ZFHX3: variants seen among roughly 807,000 people sequenced by gnomAD.
ZFHX3 encodes the protein zinc finger homeobox protein 3.
ZFHX3 carries 42 observed loss-of-function variants against 279.1 expected under a neutral mutation model. That is an observed-to-expected ratio of 0.15 (90% CI 0.12 to 0.19). ZFHX3 has a LOEUF of 0.19. Ranked by LOEUF, ZFHX3 falls within the 10% of genes least tolerant of loss-of-function variation. The pLI is 1.00. For synonymous variants in ZFHX3, 2,293 were observed against 1,957.8 expected (o/e 1.17, Z -4.52); for missense variants, 4,981 against 4,754.0 (o/e 1.05, Z -1.40).
chr16:72,949,043 T>A (rs1467325672), intron 3 of ZFHX3, among the ~76,000 whole-genome samples: 1 of 152,222 alleles, frequency 6.6e-6, no homozygotes, highest in East Asian at 1.9e-4. Flanking sequence ...TTCTATCCCC[T>A]CTACCTCATT....
intron 5 of ZFHX3, among the ~76,000 whole-genome samples, chr16:73,207,351 G>C (rs1371757936): frequency 6.6e-6 from 1 of 152,108 alleles, no homozygotes; most frequent in African/African-American, 2.4e-5. Flanking sequence ...TTAAATTACA[G>C]GGCACAAAAT....
In ZFHX3 at chr16:72,957,537, A is replaced by G; in HGVS notation, c.2609T>C (p.Met870Thr). The G allele has an allele frequency of 6.2e-7, 1 of 1,614,144 alleles. No individual in the cohort carries two copies. Among genetic ancestry groups the G allele is most frequent in the Non-Finnish European group, 8.5e-7 (1 of 1,180,034 alleles). Residue 870 changes from methionine (M) to threonine (T), a missense_variant, in exon 2 of 10, where the codon ATG becomes ACG. By Grantham distance (81) the Met-to-Thr change is moderately conservative. Around this residue, in one of 7 missense-constraint regions of ZFHX3, gnomAD observed 1,751 missense variants for 1,770.0 expected, o/e 0.99. Transcript: ENST00000268489. The part of the protein sequence containing the change: ...ELYQYYLAQN[M>T]NLPNLKMDSA... ...GTCCATCTTCAGGTTGGGCAGGTTC[A>G]TGTTCTGGGCCAGGTAGTATTGGTA...
At chr16:73,281,794 CAATT>C (rs2014464061) in intron 4 of ZFHX3, among the ~76,000 whole-genome samples, 1 of 152,054 alleles carries the variant, frequency 6.6e-6, no homozygotes, top group Non-Finnish European at 1.5e-5. Flanking sequence ...AATCATACCT[CAATT>C]AAGCGGTTTA....
chr16:73,838,754 G>A lies in ZFHX3; in HGVS notation c.-1608+52897C>T, dbSNP rs529226862. On this transcript the variant is annotated intron_variant, in intron 1 of 17. Coordinates refer to the ZFHX3 transcript ENST00000641206. ...ACTGTGTGTGTGTGCGCACATGCGT[G>A]TGTGTGTCTGTGTGTGTGTGTGTGT... Among the ~76,000 whole-genome samples the A allele has an allele frequency of 3.2e-5, 4 of 126,136 alleles. No homozygotes were observed. The South Asian group carries it at 7.1e-4, about 22-fold the overall frequency. The allele number at this position is 126,136 out of a possible 152,430, so 82.8% of individuals were successfully genotyped here.
intron 2 of ZFHX3, among the ~76,000 whole-genome samples, chr16:73,613,174 C>T (rs1567533180): frequency 6.6e-6 from 1 of 152,102 alleles, no homozygotes; most frequent in African/African-American, 2.4e-5. Context: ...AAAAACAAAT[C>T]CAGACTTCCC....
chr16:72,934,483 AATT>A (rs1291019348), intron 3 of ZFHX3, among the ~76,000 whole-genome samples: 1 of 152,174 alleles, frequency 6.6e-6, no homozygotes, highest in Non-Finnish European at 1.5e-5. Context: ...CAGTTATTAA[AATT>A]ATTTTAGTAC....
rs556527356 is a variant in ZFHX3, at chr16:73,275,137, G to A, written c.-1193-18001C>T. ...GGTTGCCATTTCCTGTTTCGGGACA[G>A]AGAGTCTAGAGGTCCCTGGCTTTAG... On this transcript the variant is annotated intron_variant, in intron 4 of 17. Transcript: ENST00000641206. 9.7e-4 allele frequency among the ~76,000 whole-genome samples: 148 copies of A among 152,316 alleles called. 1 individual carries two copies. Among genetic ancestry groups the A allele is most frequent in the African/African-American group, 3.3e-3 (139 of 41,570 alleles).
chr16:73,692,274 G>A (rs1007837763), intron 1 of ZFHX3, among the ~76,000 whole-genome samples: 3 of 152,144 alleles, frequency 2.0e-5, no homozygotes, highest in African/African-American at 7.2e-5. Flanking sequence ...AGTCTCTCCT[G>A]AATGAAACTC....
intron 4 of ZFHX3, among the ~76,000 whole-genome samples, chr16:72,850,881 T>C (rs2037598208): frequency 6.6e-6 from 1 of 151,614 alleles, no homozygotes. Context: ...AGCAGGAACA[T>C]TTGACTCAAG....
At chr16:73,173,745 T>C (rs1394019169) in intron 5 of ZFHX3, among the ~76,000 whole-genome samples, 1 of 152,102 alleles carries the variant, frequency 6.6e-6, no homozygotes, top group East Asian at 1.9e-4. Context: ...ACACCCAGGT[T>C]TGGCCAAAGT....
chr16:73,720,776 CG>C (rs1255417644), intron 1 of ZFHX3, among the ~76,000 whole-genome samples: 1 of 152,082 alleles, frequency 6.6e-6, no homozygotes, highest in Non-Finnish European at 1.5e-5. Flanking sequence ...TTTCAACAAA[CG>C]ATTACTGATA....
intron 2 of ZFHX3, among the ~76,000 whole-genome samples, chr16:73,521,905 G>T (rs2019614446): frequency 6.6e-6 from 1 of 152,008 alleles, no homozygotes; most frequent in Non-Finnish European, 1.5e-5. Context: ...TTCTGACTCT[G>T]CTGAGGTAGT....
intron 3 of ZFHX3, among the ~76,000 whole-genome samples, chr16:73,410,345 G>A (rs999272317): frequency 5.3e-5 from 8 of 152,174 alleles, no homozygotes; most frequent in Non-Finnish European, 1.0e-4. Context: ...GAACCCGGGA[G>A]GCAGAGGTTG....
At chr16:72,968,081 A>T (rs1179800802) in intron 1 of ZFHX3, among the ~76,000 whole-genome samples, 1 of 151,998 alleles carries the variant, frequency 6.6e-6, no homozygotes, top group Admixed American at 6.6e-5. Flanking sequence ...TTGAGTGATC[A>T]AAGTTCCCAT....
intron 2 of ZFHX3, among the ~76,000 whole-genome samples, chr16:73,549,002 T>C (rs1045938086): frequency 6.6e-6 from 1 of 152,174 alleles, no homozygotes; most frequent in Non-Finnish European, 1.5e-5. Flanking sequence ...TTTAAAAAAA[T>C]GTATATGCAA....
rs376334392 is a variant in ZFHX3, at chr16:73,689,816, T to C, written c.-1607-9576A>G. Among the ~76,000 whole-genome samples, 5 of 150,780 alleles carry C rather than the reference T, an allele frequency of 3.3e-5. No homozygotes were observed. In the East Asian group the frequency reaches 9.7e-4, roughly 29 times the overall value. Reference sequence around the variant, plus strand: ...TGAGGACATACAGTTTTTTGTTTTTTGTTTTTTTTGTTGTTGTTGTTTTTT... The same window carrying C: ...TGAGGACATACAGTTTTTTGTTTTTCGTTTTTTTTGTTGTTGTTGTTTTTT... On this transcript the variant is annotated intron_variant, in intron 1 of 17. Coordinates refer to the ZFHX3 transcript ENST00000641206.
chr16:73,117,082 A>T (rs1443210649), intron 7 of ZFHX3, among the ~76,000 whole-genome samples: 2 of 152,248 alleles, frequency 1.3e-5, no homozygotes, highest in African/African-American at 4.8e-5. Context: ...ACTAGGCCTG[A>T]ACTAAAGGTA....
At chr16:73,757,992 T>C (rs1383055504) in intron 1 of ZFHX3, among the ~76,000 whole-genome samples, 1 of 152,200 alleles carries the variant, frequency 6.6e-6, no homozygotes, top group Non-Finnish European at 1.5e-5. Context: ...AGCATAAGTT[T>C]CAAATACCCC....
intron 5 of ZFHX3, among the ~76,000 whole-genome samples, chr16:72,815,971 A>T (rs2036593610): frequency 6.6e-6 from 1 of 152,270 alleles, no homozygotes; most frequent in Non-Finnish European, 1.5e-5. Context: ...ATTAGAAGAC[A>T]TTAAAACTGA....
Sources: allele counts gnomAD v4.1 joint callset (sites outside exome capture counted in the v4.1 genomes callset), GRCh38; gene constraint gnomAD v4.1.1; regional missense constraint gnomAD v4.1.1; transcripts MANE v1.5; gene names NCBI Gene and HGNC (gene_info 2026-07-23, HGNC 2026-07-21).